CTNND2: variants seen among roughly 807,000 people sequenced by gnomAD.
CTNND2 encodes the protein catenin delta-2.
CTNND2 carries 22 observed loss-of-function variants against 144.4 expected under a neutral mutation model. The ratio of observed to expected loss-of-function variants is 0.15; its 90% CI spans 0.11 to 0.22. The LOEUF is 0.22. Ranked by LOEUF, CTNND2 falls within the 10% of genes least tolerant of loss-of-function variation. CTNND2 has a pLI of 1.00. For missense variants in CTNND2, 1,353 were observed against 1,618.8 expected (o/e 0.84, Z 2.82); for synonymous variants, 751 against 695.6 (o/e 1.08, Z -1.25).
chr5:11,316,464 A>AC (rs574983848), intron 9 of CTNND2, among the ~76,000 whole-genome samples: 4 of 60,248 alleles, frequency 6.6e-5, no homozygotes, highest in Non-Finnish European at 1.1e-4. Context: ...CTTATCCACT[A>AC]TTTTTTATTA....
chr5:11,354,116 T>G (rs775243175), intron 8 of CTNND2, among the ~76,000 whole-genome samples: 4 of 152,144 alleles, frequency 2.6e-5, no homozygotes, highest in Non-Finnish European at 5.9e-5. Flanking sequence ...GAGAGCCAGA[T>G]GAGAAGAGAT....
rs527576029 is a variant in CTNND2 at position 11,784,287 on chromosome 5, T to C, written c.38-52015A>G. 2.7e-4 allele frequency among the ~76,000 whole-genome samples: 41 copies of C among 152,302 alleles called. No homozygotes were observed. In the South Asian group the frequency reaches 8.3e-3, roughly 31 times the overall value. On this transcript the variant is annotated intron_variant, in intron 1 of 21. Transcript: ENST00000304623. ...ATAAGAGAAATGAAAAAAGGTAACG[T>C]TTTAAATTCTTGTGAAAAATAACTT...
intron 2 of CTNND2, among the ~76,000 whole-genome samples, chr5:11,622,330 C>A (rs959130048): frequency 6.6e-6 from 1 of 152,026 alleles, no homozygotes. Flanking sequence ...CAGCATAAAA[C>A]AAGATGACTG....
intron 5 of CTNND2, among the ~76,000 whole-genome samples, chr5:11,409,939 CATTA>C (rs1374735128): frequency 2.6e-5 from 4 of 151,978 alleles, no homozygotes; most frequent in African/African-American, 4.8e-5. Context: ...TTATTTAACT[CATTA>C]ATTATTTTCT....
At chr5:11,268,665 C>T (rs1449941030) in intron 9 of CTNND2, among the ~76,000 whole-genome samples, 1 of 152,064 alleles carries the variant, frequency 6.6e-6, no homozygotes, top group East Asian at 1.9e-4. Context: ...TACTATCACA[C>T]TATAATGGTG....
At chr5:11,661,093 T>G (rs566829387) in intron 2 of CTNND2, among the ~76,000 whole-genome samples, 1 of 152,182 alleles carries the variant, frequency 6.6e-6, no homozygotes, top group Non-Finnish European at 1.5e-5. Context: ...AGTGAGTGGC[T>G]TTCCGAATGG....
intron 9 of CTNND2, among the ~76,000 whole-genome samples, chr5:11,275,480 C>T (rs544109547): frequency 8.7e-4 from 132 of 152,312 alleles, no homozygotes; most frequent in Non-Finnish European, 1.7e-3. Context: ...CCCGTGGATT[C>T]CCAGCTGGCC....
intron 15 of CTNND2, among the ~76,000 whole-genome samples, chr5:11,092,358 A>G (rs929458): frequency 0.19 from 28,867 of 152,280 alleles, 3,232 homozygotes; most frequent in Non-Finnish European, 0.26. Context: ...TTTAGAAATC[A>G]GATCATCCAA....
intron 16 of CTNND2, among the ~76,000 whole-genome samples, chr5:11,038,257 A>G (rs1744294889): frequency 6.6e-6 from 1 of 152,172 alleles, no homozygotes; most frequent in Non-Finnish European, 1.5e-5. Flanking sequence ...ACCAGGCCAC[A>G]CAGCAGGAGG....
At chr5:11,748,835 C>T (rs747638359) in intron 1 of CTNND2, among the ~76,000 whole-genome samples, 1 of 152,036 alleles carries the variant, frequency 6.6e-6, no homozygotes, top group African/African-American at 2.4e-5. Flanking sequence ...CGAAGTAGAG[C>T]TTACTTCACC....
chr5:11,033,168 G>A (rs922191050), intron 16 of CTNND2, among the ~76,000 whole-genome samples: 26 of 152,142 alleles, frequency 1.7e-4, no homozygotes, highest in African/African-American at 5.6e-4. Context: ...CAATAAACAT[G>A]TGCTGACAAA....
At chr5:11,784,636 G>A (rs1425716802) in intron 1 of CTNND2, among the ~76,000 whole-genome samples, 2 of 152,208 alleles carry the variant, frequency 1.3e-5, no homozygotes, top group African/African-American at 4.8e-5. Flanking sequence ...TCCTGGTTGA[G>A]CGTGATTTAA....
chr5:11,216,450 G>A (rs1159083147), intron 10 of CTNND2, among the ~76,000 whole-genome samples: 1 of 152,246 alleles, frequency 6.6e-6, no homozygotes, highest in Non-Finnish European at 1.5e-5. Context: ...ACAACAGTGT[G>A]AGACAGACTC....
chr5:11,775,294 C>G (rs1446886113), intron 1 of CTNND2, among the ~76,000 whole-genome samples: 1 of 152,176 alleles, frequency 6.6e-6, no homozygotes, highest in African/African-American at 2.4e-5. Flanking sequence ...ATAAAATTCT[C>G]TTCTGCCACA....
chr5:11,675,334 A>G (rs1784116385), intron 2 of CTNND2, among the ~76,000 whole-genome samples: 1 of 152,170 alleles, frequency 6.6e-6, no homozygotes, highest in Non-Finnish European at 1.5e-5. Context: ...GGCACTGCCC[A>G]TGGAGACTGA....
chr5:11,014,540 T>C (rs1180857652), intron 18 of CTNND2, among the ~76,000 whole-genome samples: 1 of 152,226 alleles, frequency 6.6e-6, no homozygotes, highest in Admixed American at 6.5e-5. Context: ...CATCTGTTGA[T>C]GTTCCATTAG....
At chr5:11,046,370 G>A (rs961134982) in intron 16 of CTNND2, among the ~76,000 whole-genome samples, 1 of 152,186 alleles carries the variant, frequency 6.6e-6, no homozygotes, top group Non-Finnish European at 1.5e-5. Context: ...CAGCAGAAGC[G>A]AGGGCGGCAG....
At chr5:11,633,400 A>G (rs1215221302) in intron 2 of CTNND2, among the ~76,000 whole-genome samples, 1 of 152,216 alleles carries the variant, frequency 6.6e-6, no homozygotes, top group East Asian at 1.9e-4. Context: ...TGAAGAAAAA[A>G]TGAGAAAATT....
chr5:11,597,217 GT>G (rs1779555508), intron 2 of CTNND2, among the ~76,000 whole-genome samples: 1 of 152,164 alleles, frequency 6.6e-6, no homozygotes, highest in South Asian at 2.1e-4. Flanking sequence ...TTTCCGAACA[GT>G]GCCTATACAT....
Sources: gnomAD v4.1 joint callset for allele counts (sites outside exome capture counted in the v4.1 genomes callset) on GRCh38, gnomAD v4.1.1 for gene constraint, MANE v1.5 for transcripts, NCBI Gene and HGNC (gene_info 2026-07-23, HGNC 2026-07-21) for gene names.